The following INTS12 variants were observed in gnomAD, a reference collection of about 807,000 sequenced individuals.
INTS12 encodes PHD finger protein 22.
A neutral mutation model predicts 41.6 loss-of-function variants in INTS12; 13 were observed. That is an observed-to-expected ratio of 0.31 (90% confidence interval 0.20 to 0.50). INTS12 has a LOEUF of 0.50. INTS12 is among the 20% of genes least tolerant of loss of function. INTS12 has a pLI of 0.98. For synonymous variants in INTS12, 199 were observed against 191.4 expected (o/e 1.04, Z -0.33); for missense variants, 432 against 541.6 (o/e 0.80, Z 2.01).
At chr4:105,706,307 G>T (rs1732260627) in intron 1 of INTS12, 1 of 147,000 alleles carries the variant, frequency 6.8e-6, no homozygotes, top group Non-Finnish European at 1.5e-5. Context: ...ACCCAGGTTG[G>T]AGTGCACTGA....
intron 7 of INTS12, among the ~76,000 whole-genome samples, 175 bp from the exon 8 acceptor site, chr4:105,683,492 T>G (rs922160672): frequency 6.6e-6 from 1 of 152,194 alleles, no homozygotes; most frequent in African/African-American, 2.4e-5. Flanking sequence ...TATTATCATT[T>G]GCAAAGCAGA....
chr4:105,702,827 T>C, intron 2 of INTS12: 1 of 938,776 alleles, frequency 1.1e-6, no homozygotes, highest in Non-Finnish European at 1.3e-6. Flanking sequence ...TAGTTGAACC[T>C]AAAATAAAAC....
intron 1 of INTS12, among the ~76,000 whole-genome samples, chr4:105,704,361 ATCT>A (rs1732190179): frequency 6.6e-6 from 1 of 152,180 alleles, no homozygotes; most frequent in East Asian, 1.9e-4. Flanking sequence ...CTTGTTCTAC[ATCT>A]TCTTCCAAAA....
intron 1 of INTS12, among the ~76,000 whole-genome samples, chr4:105,706,959 A>G (rs1403040879): frequency 6.6e-6 from 1 of 151,394 alleles, no homozygotes; most frequent in African/African-American, 2.4e-5. Context: ...TTTCATTAAA[A>G]TAAAAAAAAA....
intron 4 of INTS12, among the ~76,000 whole-genome samples, chr4:105,694,728 C>G (rs1413196059): frequency 6.6e-6 from 1 of 152,168 alleles, no homozygotes; most frequent in Admixed American, 6.5e-5. Flanking sequence ...TAATATACTC[C>G]ATCTTGAGGG....
At chr4:105,701,685 C>G (rs1464693121) in intron 2 of INTS12, among the ~76,000 whole-genome samples, 1 of 152,118 alleles carries the variant, frequency 6.6e-6, no homozygotes, top group African/African-American at 2.4e-5. Context: ...AATCTTTCTA[C>G]TGATTTTATT....
intron 4 of INTS12, among the ~76,000 whole-genome samples, chr4:105,695,178 C>T (rs904812759): frequency 1.3e-5 from 2 of 152,182 alleles, no homozygotes; most frequent in Non-Finnish European, 2.9e-5. Context: ...GTCTACCTGC[C>T]TCGGCCTCCC....
intron 2 of INTS12, among the ~76,000 whole-genome samples, chr4:105,702,158 C>G (rs1732101583): frequency 9.5e-6 from 1 of 105,492 alleles, no homozygotes; most frequent in South Asian, 3.1e-4. Flanking sequence ...TTTTTTGAGA[C>G]AGAGTCTCGC....
intron 6 of INTS12, among the ~76,000 whole-genome samples, chr4:105,690,842 G>C (rs752073430): frequency 6.6e-6 from 1 of 152,130 alleles, no homozygotes; most frequent in African/African-American, 2.4e-5. Flanking sequence ...CCAATTCTTA[G>C]TGGTTTCTTA....
At chr4:105,686,165 C>T (rs897295001) in intron 7 of INTS12, among the ~76,000 whole-genome samples, 5 of 152,230 alleles carry the variant, frequency 3.3e-5, no homozygotes, top group South Asian at 2.1e-4. Context: ...GGGGTTCAAG[C>T]GATTCTCCTG....
chr4:105,687,934 C>G (rs1731552751), intron 6 of INTS12, among the ~76,000 whole-genome samples: 1 of 151,898 alleles, frequency 6.6e-6, no homozygotes, highest in South Asian at 2.1e-4. Flanking sequence ...GCCTGGGCAA[C>G]AAGAGCAAAA....
chr4:105,706,971 A>AG (rs70941208), intron 1 of INTS12, among the ~76,000 whole-genome samples: 8 of 152,218 alleles, frequency 5.3e-5, no homozygotes, highest in Admixed American at 4.6e-4. Flanking sequence ...AAAAAAAAAA[A>AG]TTCTTGCTGA....
At chr4:105,699,346 C>G (rs1731977533) in intron 3 of INTS12, among the ~76,000 whole-genome samples, 1 of 152,144 alleles carries the variant, frequency 6.6e-6, no homozygotes, top group South Asian at 2.1e-4. Flanking sequence ...AACATATATT[C>G]TTTTCACATA....
chr4:105,684,261 C>T (rs190684557), intron 7 of INTS12, among the ~76,000 whole-genome samples: 19 of 152,192 alleles, frequency 1.2e-4, no homozygotes, highest in African/African-American at 3.6e-4. Context: ...CACAAATGTA[C>T]GTATTCAAAT....
chr4:105,695,722 A>G, intron 3 of INTS12, 54 bp from the exon 4 acceptor site: 1 of 1,363,502 alleles, frequency 7.3e-7, no homozygotes, highest in Non-Finnish European at 1.0e-6. Context: ...ATCATCATAA[A>G]AAAAGATCAT....
intron 4 of INTS12, 95 bp downstream of exon 4, chr4:105,695,421 T>A: frequency 1.2e-6 from 1 of 860,158 alleles, no homozygotes. Context: ...CTATACCCAT[T>A]ATTATATAAA....
intron 3 of INTS12, 165 bp from the exon 4 acceptor site, chr4:105,695,833 T>C: frequency 7.8e-6 from 5 of 643,478 alleles, no homozygotes; most frequent in Non-Finnish European, 1.3e-5. Flanking sequence ...AAATAATTGA[T>C]ATACAAACTG....
chr4:105,696,013 G>A (rs568939524), intron 3 of INTS12, among the ~76,000 whole-genome samples: 5 of 151,988 alleles, frequency 3.3e-5, no homozygotes, highest in Non-Finnish European at 5.9e-5. Flanking sequence ...CACCACACCC[G>A]GCTGATTTTT....
intron 6 of INTS12, among the ~76,000 whole-genome samples, chr4:105,687,888 G>C (rs540449373): frequency 6.6e-6 from 1 of 152,266 alleles, no homozygotes; most frequent in Non-Finnish European, 1.5e-5. Flanking sequence ...ATTAGGTGGA[G>C]GTTGCAGTGA....
Sources: gnomAD v4.1 joint callset for allele counts (sites outside exome capture counted in the v4.1 genomes callset) on GRCh38, gnomAD v4.1.1 for gene constraint, MANE v1.5 for transcripts, NCBI Gene and HGNC (gene_info 2026-07-23, HGNC 2026-07-21) for gene names.